SAMD13: variants seen among roughly 807,000 people sequenced by gnomAD.
SAMD13 encodes the protein sterile alpha motif domain containing 13, also known as sterile alpha motif domain-containing protein 13.
Under a neutral mutation model 12.4 loss-of-function variants are expected in SAMD13, and 9 were observed. The ratio of observed to expected loss-of-function variants is 0.72; its 90% confidence interval spans 0.44 to 1.26. The LOEUF is 1.26. Ranked by LOEUF, SAMD13 falls within the 50% of genes most tolerant of loss-of-function variation. The pLI, the probability that SAMD13 is intolerant of heterozygous loss-of-function variation, is 0.00. For synonymous variants in SAMD13, 46 were observed against 45.4 expected (o/e 1.01, Z -0.05); for missense variants, 84 against 119.6 (o/e 0.70, Z 1.39).
intron 1 of SAMD13, chr1:84,302,545 C>CACACACACAT (rs1165228172): frequency 6.9e-6 from 1 of 144,482 alleles, no homozygotes; most frequent in Non-Finnish European, 1.0e-5. Flanking sequence ...TACACATACA[C>CACACACACAT]ACACACACAC....
intron 3 of SAMD13, among the ~76,000 whole-genome samples, chr1:84,342,231 C>T (rs1469935953): frequency 6.6e-6 from 1 of 152,174 alleles, no homozygotes; most frequent in Admixed American, 6.5e-5. Context: ...CAACCAGCAC[C>T]TCCCTTTTTA....
intron 2 of SAMD13, among the ~76,000 whole-genome samples, chr1:84,319,066 G>T (rs892115192): frequency 6.6e-6 from 1 of 152,098 alleles, no homozygotes; most frequent in African/African-American, 2.4e-5. Flanking sequence ...AGCCCTCAAG[G>T]ACTGCTGTTT....
At chr1:84,313,686 G>A (rs142866701) in intron 2 of SAMD13, among the ~76,000 whole-genome samples, 3 of 152,136 alleles carry the variant, frequency 2.0e-5, no homozygotes, top group African/African-American at 7.2e-5. Flanking sequence ...GCAGTAGAAA[G>A]TTCCCAGTGA....
At chr1:84,331,846 G>A (rs1679193444) in intron 3 of SAMD13, among the ~76,000 whole-genome samples, 1 of 152,020 alleles carries the variant, frequency 6.6e-6, no homozygotes, top group Non-Finnish European at 1.5e-5. Flanking sequence ...CAAGTAATAA[G>A]CATAGTATCC....
At chr1:84,321,826 G>A (rs1477123789) in intron 2 of SAMD13, among the ~76,000 whole-genome samples, 2 of 152,076 alleles carry the variant, frequency 1.3e-5, no homozygotes, top group Non-Finnish European at 2.9e-5. Flanking sequence ...CTTGGCTTAC[G>A]CTTGTTATGT....
chr1:84,349,899 G>T lies in SAMD13; in HGVS notation c.*125G>T. On this transcript the variant is annotated 3_prime_UTR_variant, in exon 4 of 4. Coordinates refer to ENST00000394834, the MANE Select transcript of SAMD13 (RefSeq NM_001134663.2). ...GTAAAGAATTTCAATCAAATGAAAC[G>T]TTATCCTATTGGATAGACTAGGCAA... The T allele has an allele frequency of 7.0e-7, 1 of 1,431,506 alleles. No individual in the cohort carries two copies. The highest frequency in any genetic ancestry group is 1.4e-5 in the African/African-American group (1 of 70,180). The allele number at this position is 1,431,506 out of a possible 1,614,324, so 88.7% of individuals were successfully genotyped here.
chr1:84,335,725 C>T (rs944057581), intron 3 of SAMD13, among the ~76,000 whole-genome samples: 4 of 152,116 alleles, frequency 2.6e-5, no homozygotes, highest in South Asian at 2.1e-4. Context: ...AAGGACTTCT[C>T]GAAAGGCAGG....
At chr1:84,299,271 T>C (rs1678387903), upstream of SAMD13, among the ~76,000 whole-genome samples, 1 of 152,080 alleles carries the variant, frequency 6.6e-6, no homozygotes, top group African/African-American at 2.4e-5. Flanking sequence ...AAGAAGCCAA[T>C]CAAAGTCAAC....
upstream of SAMD13, chr1:84,298,651 G>A (rs1264296753): frequency 2.2e-5 from 27 of 1,210,022 alleles, no homozygotes; most frequent in Non-Finnish European, 3.1e-6. Flanking sequence ...GAAGAATGCC[G>A]CAATGAAAAC....
At chr1:84,307,545 G>A (rs191143833) in intron 2 of SAMD13, among the ~76,000 whole-genome samples, 26 of 152,150 alleles carry the variant, frequency 1.7e-4, no homozygotes, top group East Asian at 9.7e-4. Flanking sequence ...ATTTTCTTGC[G>A]TGGTCATATT....
At chr1:84,323,079 G>A (rs554408035) in intron 2 of SAMD13, among the ~76,000 whole-genome samples, 1 of 152,204 alleles carries the variant, frequency 6.6e-6, no homozygotes, top group Admixed American at 6.5e-5. Flanking sequence ...TGTTTTCTGG[G>A]GGCACTTAAA....
At position 84,331,328 on chromosome 1, in the gene SAMD13, TAAAA is replaced by T. The variant is rs1178046260; in HGVS notation, c.165+5607_165+5610del. Among the ~76,000 whole-genome samples the T allele has an allele frequency of 6.7e-3, 101 of 15,180 alleles. 3 individuals are homozygous for T. The highest frequency in any genetic ancestry group is 0.022 in the South Asian group (3 of 136). 10.0% of individuals were successfully genotyped at this position (15,180 alleles called of 152,430 possible). A position where few individuals can be genotyped will look rare whatever the true frequency, so the allele number is the denominator to read the frequency against. ...ATGCAATTCTAACAGCCCTCCTTGG[TAAAA>T]AAAAAAAAAAAAAAAAAAAAAAAAA... On this transcript the variant is annotated intron_variant, in intron 3 of 3. Coordinates refer to ENST00000394834, the MANE Select transcript of SAMD13 (RefSeq NM_001134663.2).
rs187113658 is a variant in SAMD13 at position 84,344,911 on chromosome 1, A to T, written c.166-4720A>T. The stretch of plus-strand genomic sequence containing the variant: ...AGGAACCGAACCAAAAGGGAAACAG[A>T]GGAGATGGCAGAGACAAAAAACATT... On this transcript the variant is annotated intron_variant, in intron 3 of 3. Coordinates refer to ENST00000394834, the MANE Select transcript of SAMD13 (RefSeq NM_001134663.2). 3.5e-4 allele frequency: 159 copies of T among 456,730 alleles called. 2 individuals are homozygous for T. The highest frequency in any genetic ancestry group is 2.3e-3 in the Middle Eastern group (7 of 3,076). 28.3% of individuals were successfully genotyped at this position (456,730 alleles called of 1,614,324 possible).
chr1:84,349,518 GT>G, intron 3 of SAMD13, 112 bp from the exon 4 acceptor site: 1 of 1,491,372 alleles, frequency 6.7e-7, no homozygotes, highest in Non-Finnish European at 8.9e-7. Flanking sequence ...CAAATGTAAT[GT>G]TTTTAGCTTG....
chr1:84,332,739 C>A (rs1404922892), intron 3 of SAMD13, among the ~76,000 whole-genome samples: 1 of 152,052 alleles, frequency 6.6e-6, no homozygotes, highest in Non-Finnish European at 1.5e-5. Flanking sequence ...TTAATTAGGT[C>A]CTATCTGTCA....
chr1:84,348,409 A>G (rs1679578283), intron 3 of SAMD13, among the ~76,000 whole-genome samples: 1 of 152,126 alleles, frequency 6.6e-6, no homozygotes, highest in African/African-American at 2.4e-5. Flanking sequence ...AGTTGCAGCT[A>G]CACACGGTGT....
In SAMD13 at chr1:84,349,991, A is replaced by C; in HGVS notation, c.*217A>C. ...AGATGCGCACAGGGTGGTTTTCCTC[A>C]TGGATTTTGTCAAATAGATGATCTT... On this transcript the variant is annotated 3_prime_UTR_variant, in exon 4 of 4. Transcript: ENST00000394834. The C allele has an allele frequency of 2.0e-6, 2 of 991,082 alleles. No individual in the cohort carries two copies. Among genetic ancestry groups the C allele is most frequent in the East Asian group, 3.3e-5 (1 of 29,968 alleles). 61.4% of individuals were successfully genotyped at this position (991,082 alleles called of 1,614,324 possible).
At chr1:84,322,704 G>T (rs1037170020) in intron 2 of SAMD13, among the ~76,000 whole-genome samples, 3 of 152,016 alleles carry the variant, frequency 2.0e-5, no homozygotes, top group African/African-American at 7.3e-5. Flanking sequence ...TGTATTGGTT[G>T]GTTTCTAACC....
chr1:84,317,532 C>T (rs1207829999), intron 2 of SAMD13, among the ~76,000 whole-genome samples: 1 of 151,950 alleles, frequency 6.6e-6, no homozygotes. Context: ...GTTGAACCGT[C>T]CTAGGAATAA....
Sources: gnomAD v4.1 joint callset for allele counts (sites outside exome capture counted in the v4.1 genomes callset) on GRCh38, gnomAD v4.1.1 for gene constraint, MANE v1.5 for transcripts, NCBI Gene and HGNC (gene_info 2026-07-23, HGNC 2026-07-21) for gene names.